FAM186A: variants seen among roughly 807,000 people sequenced by gnomAD.
The protein encoded by FAM186A is family with sequence similarity 186 member A, also known as protein FAM186A.
A neutral mutation model predicts 216.8 loss-of-function variants in FAM186A; 163 were observed. That is an observed-to-expected ratio of 0.75 (90% CI 0.66 to 0.86). The LOEUF (loss-of-function observed/expected upper bound fraction) is 0.86. FAM186A is among the 40% of genes least tolerant of loss of function. FAM186A has a pLI of 0.00. For missense variants in FAM186A, 2,184 were observed against 2,746.2 expected, an observed-to-expected ratio of 0.80 and a Z score of 4.58; for synonymous variants, 805 against 1,025.3, an observed-to-expected ratio of 0.79 and a Z score of 4.10.
intron 7 of FAM186A, 38 bp from the exon 8 acceptor site, chr12:50,327,442 T>C (rs1455541453): frequency 6.0e-6 from 9 of 1,511,520 alleles, no homozygotes; most frequent in Non-Finnish European, 8.1e-6. Flanking sequence ...CATTATAAAT[T>C]GCTTTAAACA....
chr12:50,368,241 G>A (rs4768857), intron 1 of FAM186A, among the ~76,000 whole-genome samples: 145,642 of 151,792 alleles, frequency 0.96, 70,138 homozygotes, highest in East Asian at 1. Flanking sequence ...ATCTTTACTA[G>A]AAATACAAAA....
In FAM186A at chr12:50,352,504, A is replaced by G; in HGVS notation, c.4328T>C (p.Leu1443Pro). ...CTGCTGAGCGGTGAGAGGCATCCCCAGGGCCTGGGCCTGCTGAGGGGTGAG... is the reference window on the plus strand; with the variant it reads ...CTGCTGAGCGGTGAGAGGCATCCCCGGGGCCTGGGCCTGCTGAGGGGTGAG... Reference protein sequence around the residue: ...ITLTPQQAQALGMPLTAQQAQ... With the variant: ...ITLTPQQAQAPGMPLTAQQAQ... Residue 1443 changes from leucine to proline, a missense_variant, in exon 4 of 8, where the codon CTG (leucine) becomes CCG (proline). Physicochemically the swap from Leu to Pro is moderately conservative, Grantham distance 98. Coordinates refer to ENST00000327337, the MANE Select transcript of FAM186A (RefSeq NM_001145475.3). 6.7e-7 allele frequency: 1 copy of G among 1,496,868 alleles called. No homozygotes were observed. The highest frequency in any genetic ancestry group is 9.0e-7 in the Non-Finnish European group (1 of 1,115,944). 92.7% of individuals were successfully genotyped at this position (1,496,868 alleles called of 1,614,324 possible).
chr12:50,391,826 G>A (rs1163735132), intron 1 of FAM186A, among the ~76,000 whole-genome samples: 1 of 152,084 alleles, frequency 6.6e-6, no homozygotes, highest in African/African-American at 2.4e-5. Context: ...GCCATTCCAA[G>A]CTTAGGTATT....
At chr12:50,346,200 A>AG (rs1491436983) in intron 4 of FAM186A, among the ~76,000 whole-genome samples, 36 of 47,906 alleles carry the variant, frequency 7.5e-4, no homozygotes, top group East Asian at 2.6e-3. Flanking sequence ...AGAAAGAAAG[A>AG]AAGAGAGAGA....
intron 1 of FAM186A, among the ~76,000 whole-genome samples, chr12:50,386,721 A>G (rs1943306987): frequency 6.7e-6 from 1 of 148,810 alleles, no homozygotes; most frequent in Admixed American, 6.7e-5. Flanking sequence ...TTATCCAGGC[A>G]TGATGGTGCG....
chr12:50,350,602 C>A lies in FAM186A; in HGVS notation c.6230G>T (p.Trp2077Leu). 5 of 1,551,504 alleles carry A rather than the reference C, an allele frequency of 3.2e-6. No homozygotes were observed. Among genetic ancestry groups the A allele is most frequent in the Non-Finnish European group, 3.5e-6 (4 of 1,146,972 alleles). Residue 2077 changes from tryptophan to leucine, a missense_variant, in exon 4 of 8, where the codon TGG (tryptophan) becomes TTG (leucine). By Grantham distance (61) the Trp-to-Leu change is moderately conservative (BLOSUM62 -2). Around this residue, in one of 7 missense-constraint regions of FAM186A, gnomAD observed 721 missense variants for 816.4 expected, o/e 0.88. Coordinates refer to ENST00000327337, the MANE Select transcript of FAM186A (RefSeq NM_001145475.3). ...GGTATCTGAAACTGAACTCAGTATCCAGGGCTTGTCTATAGGAGGGAATCG... is the reference window on the plus strand; with the variant it reads ...GGTATCTGAAACTGAACTCAGTATCAAGGGCTTGTCTATAGGAGGGAATCG... ...KSRFPPIDKP[W>L]ILSSVSDTKK...
At chr12:50,338,480 C>G (rs150618360) in intron 4 of FAM186A, among the ~76,000 whole-genome samples, 2 of 152,138 alleles carry the variant, frequency 1.3e-5, no homozygotes, top group Non-Finnish European at 2.9e-5. Flanking sequence ...GGATTACAGG[C>G]ATGAGCTACC....
At chr12:50,385,964 C>T (rs1187699345) in intron 1 of FAM186A, among the ~76,000 whole-genome samples, 1 of 151,596 alleles carries the variant, frequency 6.6e-6, no homozygotes, top group Non-Finnish European at 1.5e-5. Context: ...TTAGCAGAGG[C>T]TGGGGATGGG....
rs1383898895 is a variant in FAM186A, at chr12:50,346,237, A to AAAGAAAGAAAGAGAAAGAAAG, written c.6503+4091_6503+4092insCTTTCTTTCTCTTTCTTTCTT. Among the ~76,000 whole-genome samples the AAAGAAAGAAAGAGAAAGAAAG allele has an allele frequency of 1.2e-4, 12 of 102,184 alleles. 1 individual carries two copies. Among genetic ancestry groups the AAAGAAAGAAAGAGAAAGAAAG allele is most frequent in the African/African-American group, 3.7e-4 (11 of 29,606 alleles). 67.0% of individuals were successfully genotyped at this position (102,184 alleles called of 152,430 possible). A position where few individuals can be genotyped will look rare whatever the true frequency, so the allele number is the denominator to read the frequency against. On this transcript the variant is annotated intron_variant, in intron 4 of 7. Coordinates refer to ENST00000327337, the MANE Select transcript of FAM186A (RefSeq NM_001145475.3). ...AGAGAGAAGGAAAGAAAGAAAGAAAAAAAGAAAGAAAGAAAGAAAGAAAGA... is the reference window on the plus strand; with the variant it reads ...AGAGAGAAGGAAAGAAAGAAAGAAAAAAGAAAGAAAGAGAAAGAAAGAAAGAAAGAAAGAAAGAAAGAAAGA...
chr12:50,358,293 A>C (rs952167128), intron 3 of FAM186A, among the ~76,000 whole-genome samples: 1 of 152,158 alleles, frequency 6.6e-6, no homozygotes, highest in Non-Finnish European at 1.5e-5. Flanking sequence ...TAAAGGACTT[A>C]TATCCAGCGA....
chr12:50,363,520 TA>T (rs981968924), intron 1 of FAM186A, among the ~76,000 whole-genome samples, 156 bp from the exon 2 acceptor site: 5 of 151,628 alleles, frequency 3.3e-5, no homozygotes, highest in East Asian at 1.9e-4. Flanking sequence ...TTTTCCCTCT[TA>T]AAAAAAAATT....
In FAM186A at chr12:50,351,113, C is replaced by T. The variant is rs1187603385; in HGVS notation, c.5719G>A (p.Gly1907Arg). ...AGGGTCCATGTTGCCAGATGCTGCC[C>T]AGGGGTAGAAGGAGCCTGCAGATAG... is the stretch of plus-strand genomic sequence containing the variant. ...SPYLQAPSTP[G>R]QHLATWTLPG... The change falls in exon 4 of 8, where the codon GGG (glycine) becomes AGG (arginine). Residue 1907 changes from glycine (G) to arginine (R), a missense_variant. Transcript: ENST00000327337. 1.3e-6 allele frequency: 2 copies of T among 1,551,350 alleles called. No individual in the cohort carries two copies. Among genetic ancestry groups the T allele is most frequent in the Non-Finnish European group, 1.7e-6 (2 of 1,146,972 alleles).
At chr12:50,346,331 A>T (rs1942817415) in intron 4 of FAM186A, among the ~76,000 whole-genome samples, 1 of 152,040 alleles carries the variant, frequency 6.6e-6, no homozygotes, top group Non-Finnish European at 1.5e-5. Context: ...TCCCGGGTTC[A>T]AGCAATTCTC....
At position 50,360,816 on chromosome 12, in the gene FAM186A, T is replaced by A. The variant is rs1228644665; in HGVS notation, c.523A>T (p.Ile175Leu). The change falls in exon 3 of 8, where the codon ATA (isoleucine) becomes TTA (leucine). Residue 175 changes from isoleucine to leucine, a missense_variant. Ile to Leu is a conservative substitution (Grantham distance 5). Transcript: ENST00000327337. ...AAAGATGTACTAAATCTGCTTAGTA[T>A]CTTGACATTGTTCTCAATAGCTTTT... is the stretch of plus-strand genomic sequence containing the variant. Reference protein sequence around the residue: ...TLKAIENNVKILSRFSTSFLD... With the variant: ...TLKAIENNVKLLSRFSTSFLD... 1.9e-6 allele frequency: 3 copies of A among 1,550,564 alleles called. No individual in the cohort carries two copies. The highest frequency in any genetic ancestry group is 2.6e-6 in the Non-Finnish European group (3 of 1,146,642).
chr12:50,337,446 G>A (rs1300992620), intron 4 of FAM186A, among the ~76,000 whole-genome samples: 2 of 148,966 alleles, frequency 1.3e-5, no homozygotes. Context: ...TAGGCACACC[G>A]TCAGGCCTGC....
rs1181547503 is a variant in FAM186A at position 50,383,602 on chromosome 12, G to GA, written c.192+12690dup. On this transcript the variant is annotated intron_variant, in intron 1 of 7. Transcript: ENST00000327337. ...CAGAGTGAGACTTTGTCTCAAAAAA[G>GA]AAAAAAAAGAAAGAAACAAACAAAC... Among the ~76,000 whole-genome samples the GA allele has an allele frequency of 3.3e-5, 5 of 151,482 alleles. No individual in the cohort carries two copies. In the South Asian group the frequency reaches 1.0e-3, roughly 32 times the overall value.
At chr12:50,334,488 A>G (rs940625633) in intron 4 of FAM186A, among the ~76,000 whole-genome samples, 3 of 145,804 alleles carry the variant, frequency 2.1e-5, no homozygotes, top group African/African-American at 7.6e-5. Flanking sequence ...ATTTAATTTT[A>G]TTTTTTTGAG....
chr12:50,358,155 TA>T (rs567418760), intron 3 of FAM186A, among the ~76,000 whole-genome samples: 4,353 of 151,464 alleles, frequency 0.029, 84 homozygotes, highest in Non-Finnish European at 0.047. Flanking sequence ...TCATGATTCA[TA>T]AAAAAAAATT....
chr12:50,389,957 A>T (rs574484303), intron 1 of FAM186A, among the ~76,000 whole-genome samples: 2 of 152,312 alleles, frequency 1.3e-5, no homozygotes, highest in Admixed American at 1.3e-4. Context: ...AGGTAGAGGC[A>T]CTAGTGGCTC....
Sources: gnomAD v4.1 joint callset for allele counts (sites outside exome capture counted in the v4.1 genomes callset) on GRCh38, gnomAD v4.1.1 for gene constraint, gnomAD v4.1.1 regional missense constraint, MANE v1.5 for transcripts, NCBI Gene and HGNC (gene_info 2026-07-23, HGNC 2026-07-21) for gene names.